The following FAM13B variants were observed in gnomAD, a reference collection of about 807,000 sequenced individuals.
FAM13B encodes the protein family with sequence similarity 13 member B, also known as protein FAM13B.
In FAM13B, 60 loss-of-function variants were observed where a neutral mutation model predicts 117.3. The ratio of observed to expected loss-of-function variants is 0.51; its 90% CI spans 0.42 to 0.63. The LOEUF (loss-of-function observed/expected upper bound fraction) is 0.63. FAM13B is among the 30% of genes least tolerant of loss of function. FAM13B has a pLI of 0.00. For missense variants in FAM13B, 972 were observed against 1,091.9 expected (o/e 0.89, Z 1.55); for synonymous variants, 332 against 356.1 (o/e 0.93, Z 0.76).
chr5:138,025,656 C>A (rs1788171607), intron 1 of FAM13B, among the ~76,000 whole-genome samples: 1 of 151,876 alleles, frequency 6.6e-6, no homozygotes, highest in Admixed American at 6.6e-5. Context: ...ACCCCTTTTT[C>A]CCCCCATGGG....
chr5:137,959,271 T>A (rs1036353081), intron 13 of FAM13B, among the ~76,000 whole-genome samples: 1 of 152,216 alleles, frequency 6.6e-6, no homozygotes, highest in Non-Finnish European at 1.5e-5. Context: ...ACTGGTGAGA[T>A]CCCTAAGCCT....
At chr5:138,033,481 G>T (rs1790731753), upstream of FAM13B, among the ~76,000 whole-genome samples, 1 of 152,208 alleles carries the variant, frequency 6.6e-6, no homozygotes, top group African/African-American at 2.4e-5. Context: ...GGTGACTTCG[G>T]TTCCCATTCC....
intron 6 of FAM13B, among the ~76,000 whole-genome samples, chr5:138,009,713 G>A (rs1258018396): frequency 6.7e-6 from 1 of 148,248 alleles, no homozygotes; most frequent in South Asian, 2.2e-4. Context: ...GCTGGGGCAG[G>A]AGAATTGCTT....
intron 1 of FAM13B, among the ~76,000 whole-genome samples, chr5:138,045,797 T>C (rs1348417434): frequency 6.6e-6 from 1 of 151,602 alleles, no homozygotes; most frequent in South Asian, 2.1e-4. Context: ...ATACAAAAAT[T>C]AGCCAGGCGT....
At chr5:138,032,469 G>A (rs962186718) in intron 1 of FAM13B, among the ~76,000 whole-genome samples, 17 of 152,196 alleles carry the variant, frequency 1.1e-4, no homozygotes, top group African/African-American at 4.1e-4. Flanking sequence ...AGAAACGTGG[G>A]GTGTCGCGCC....
At chr5:137,953,544 A>G (rs1765617192) in intron 15 of FAM13B, 79 bp from the exon 16 acceptor site, 1 of 1,407,350 alleles carries the variant, frequency 7.1e-7, no homozygotes, top group Non-Finnish European at 9.8e-7. Flanking sequence ...ACATGGCACT[A>G]TTAGCAATAA....
chr5:138,044,064 A>G (rs1345783877), intron 1 of FAM13B, among the ~76,000 whole-genome samples: 1 of 151,732 alleles, frequency 6.6e-6, no homozygotes, highest in Non-Finnish European at 1.5e-5. Flanking sequence ...AACTATAGGC[A>G]CATGCTGTCA....
intron 1 of FAM13B, among the ~76,000 whole-genome samples, chr5:138,024,816 G>C (rs199813609): frequency 0.1 from 1,482 of 14,242 alleles, 20 homozygotes; most frequent in East Asian, 0.51. Context: ...CACACACAGA[G>C]AGAGAGAGAG....
chr5:138,005,105 T>C (rs1782219948), intron 7 of FAM13B, among the ~76,000 whole-genome samples: 1 of 152,106 alleles, frequency 6.6e-6, no homozygotes, highest in African/African-American at 2.4e-5. Flanking sequence ...GGCATGGTGA[T>C]GCGTGCCTAT....
At chr5:138,022,831 CTT>C (rs751621682) in intron 1 of FAM13B, among the ~76,000 whole-genome samples, 16 of 141,000 alleles carry the variant, frequency 1.1e-4, no homozygotes, top group Non-Finnish European at 9.3e-5. Flanking sequence ...AAGCTATTTT[CTT>C]TTTTTTTTTT....
chr5:137,991,612 A>G (rs2150651940), intron 7 of FAM13B, among the ~76,000 whole-genome samples: 1 of 152,362 alleles, frequency 6.6e-6, no homozygotes, highest in East Asian at 1.9e-4. Context: ...ATAGGCAGAC[A>G]GAAAAGAAAA....
At chr5:138,001,158 G>A (rs1050807203) in intron 7 of FAM13B, among the ~76,000 whole-genome samples, 1 of 152,066 alleles carries the variant, frequency 6.6e-6, no homozygotes, top group African/African-American at 2.4e-5. Flanking sequence ...CATCCCCCAA[G>A]TGTTTATTTC....
chr5:138,039,285 T>G lies in FAM13B; in HGVS notation c.-203+12593A>C, dbSNP rs746458275. On this transcript the variant is annotated intron_variant, in intron 1 of 3. Coordinates refer to the FAM13B transcript ENST00000502471. Reference sequence around the variant, plus strand: ...CCATATAGGGGAAAGAAAAAACTGCTCTGAGATTCAGTGAGATTATGACCT... The same window carrying G: ...CCATATAGGGGAAAGAAAAAACTGCGCTGAGATTCAGTGAGATTATGACCT... 2.0e-4 allele frequency: 30 copies of G among 152,198 alleles called. 1 individual carries two copies. The highest frequency in any genetic ancestry group is 3.2e-4 in the Non-Finnish European group (22 of 68,034). The allele number at this position is 152,198 out of a possible 1,614,324, so 9.4% of individuals were successfully genotyped here.
intron 10 of FAM13B, among the ~76,000 whole-genome samples, chr5:137,982,151 C>T (rs1397094556): frequency 1.3e-5 from 2 of 152,076 alleles, no homozygotes; most frequent in African/African-American, 4.8e-5. Flanking sequence ...GAGAACATAC[C>T]ATCAAGAAAC....
chr5:137,964,700 G>A (rs1769173482), intron 10 of FAM13B, among the ~76,000 whole-genome samples: 1 of 152,054 alleles, frequency 6.6e-6, no homozygotes, highest in Non-Finnish European at 1.5e-5. Context: ...CAGTCTGGGT[G>A]ACAGTACAAG....
At position 137,944,533 on chromosome 5, in the gene FAM13B, C is replaced by G. The variant is rs1054664091; in HGVS notation, c.2341-1317G>C. 2.4e-4 allele frequency among the ~76,000 whole-genome samples: 36 copies of G among 151,944 alleles called. 1 individual carries two copies. The highest frequency in any genetic ancestry group is 1.5e-5 in the Non-Finnish European group (1 of 67,972). On this transcript the variant is annotated intron_variant, in intron 20 of 23. Coordinates refer to ENST00000689681, the MANE Select transcript of FAM13B (RefSeq NM_001385994.1). ...CTGTAATCCCAGCACTTTGGAAGGC[C>G]GAGGCAGGTGGATGACAAGGTCAGG...
chr5:137,997,479 A>G (rs529570860), intron 7 of FAM13B, among the ~76,000 whole-genome samples: 1 of 150,560 alleles, frequency 6.6e-6, no homozygotes, highest in Non-Finnish European at 1.5e-5. Flanking sequence ...CAAAAAATAT[A>G]TATATATATA....
At chr5:137,947,958 A>G (rs1205064930) in intron 18 of FAM13B, among the ~76,000 whole-genome samples, 1 of 152,096 alleles carries the variant, frequency 6.6e-6, no homozygotes, top group Non-Finnish European at 1.5e-5. Flanking sequence ...AGCTCTGTTC[A>G]AGGGAAAGAA....
At chr5:137,998,264 A>G (rs902358725) in intron 7 of FAM13B, among the ~76,000 whole-genome samples, 3 of 152,248 alleles carry the variant, frequency 2.0e-5, no homozygotes, top group Non-Finnish European at 4.4e-5. Context: ...GGGTCTTAGC[A>G]TAAGTCCAGA....
Sources: gnomAD v4.1 joint callset for allele counts (sites outside exome capture counted in the v4.1 genomes callset) on GRCh38, gnomAD v4.1.1 for gene constraint, MANE v1.5 for transcripts, NCBI Gene and HGNC (gene_info 2026-07-23, HGNC 2026-07-21) for gene names.